Variants in OR9Q1 observed in about 807,000 individuals in gnomAD.
OR9Q1 encodes the protein olfactory receptor 9Q1.
For synonymous variants in OR9Q1, 153 were observed against 148.6 expected (o/e 1.03, Z -0.22); for missense variants, 374 against 378.8 (o/e 0.99, Z 0.11).
intron 2 of OR9Q1, among the ~76,000 whole-genome samples, chr11:58,057,062 T>C (rs1853335821): frequency 6.8e-6 from 1 of 147,452 alleles, no homozygotes; most frequent in Admixed American, 7.0e-5. Flanking sequence ...TGGTGCCATC[T>C]TGGCTCACTG....
chr11:58,166,332 C>T (rs1439966237), intron 2 of OR9Q1, among the ~76,000 whole-genome samples: 2 of 152,108 alleles, frequency 1.3e-5, no homozygotes, highest in East Asian at 1.9e-4. Context: ...ATCTTCTCGC[C>T]CAGAAGTAAC....
chr11:58,048,025 T>C (rs1384234828), intron 1 of OR9Q1, among the ~76,000 whole-genome samples: 1 of 152,180 alleles, frequency 6.6e-6, no homozygotes, highest in Non-Finnish European at 1.5e-5. Flanking sequence ...TGTTAATCTA[T>C]AGGGGCCAGG....
At chr11:58,121,286 C>T (rs968582765) in intron 2 of OR9Q1, among the ~76,000 whole-genome samples, 5 of 152,168 alleles carry the variant, frequency 3.3e-5, no homozygotes, top group Admixed American at 2.0e-4. Context: ...TGAGTCACCT[C>T]GTAATACTGC....
intron 2 of OR9Q1, among the ~76,000 whole-genome samples, chr11:58,063,706 T>TG (rs1853401616): frequency 6.7e-6 from 1 of 148,508 alleles, no homozygotes; most frequent in Admixed American, 6.9e-5. Flanking sequence ...TATTTAATTT[T>TG]TGGGGGGGTG....
chr11:58,171,221 G>T (rs142512356), intron 2 of OR9Q1: 1 of 152,188 alleles, frequency 6.6e-6, no homozygotes, highest in African/African-American at 2.4e-5. Flanking sequence ...GCAGAAGCTG[G>T]TGACTGCATA....
At chr11:58,099,602 T>C (rs1853764839) in intron 2 of OR9Q1, among the ~76,000 whole-genome samples, 1 of 152,302 alleles carries the variant, frequency 6.6e-6, no homozygotes, top group Admixed American at 6.5e-5. Flanking sequence ...TTGTGTCCTT[T>C]TCCTTGAACT....
At position 58,053,812 on chromosome 11, in the gene OR9Q1, T is replaced by A. The variant is rs1037178135; in HGVS notation, c.-92-2058T>A. ...GTCAACATTCTTTTTCGGAACAGCT[T>A]AAAAAGCAGAAAAGGGAGTTTGCAC... is the stretch of plus-strand genomic sequence containing the variant. On this transcript the variant is annotated intron_variant, in intron 1 of 2. Coordinates refer to ENST00000335397, the MANE Select transcript of OR9Q1 (RefSeq NM_001005212.4). Among the ~76,000 whole-genome samples the A allele has an allele frequency of 1.9e-4, 29 of 151,954 alleles. 1 individual carries two copies. Among genetic ancestry groups the A allele is most frequent in the African/African-American group, 7.0e-4 (29 of 41,452 alleles).
At chr11:58,072,208 CAA>C (rs1341386593) in intron 2 of OR9Q1, among the ~76,000 whole-genome samples, 1 of 152,016 alleles carries the variant, frequency 6.6e-6, no homozygotes, top group African/African-American at 2.4e-5. Flanking sequence ...ATCTATAAAA[CAA>C]AGACAACTTT....
intron 2 of OR9Q1, among the ~76,000 whole-genome samples, chr11:58,133,463 G>A (rs1263559545): frequency 1.3e-5 from 2 of 152,198 alleles, no homozygotes; most frequent in East Asian, 1.9e-4. Context: ...TGGGGTCAAA[G>A]CTACATGTGA....
chr11:58,152,571 G>A (rs566225735), intron 2 of OR9Q1, among the ~76,000 whole-genome samples: 2 of 152,110 alleles, frequency 1.3e-5, no homozygotes, highest in South Asian at 2.1e-4. Flanking sequence ...TATGTGCTTT[G>A]TTGATTGATT....
intron 2 of OR9Q1, among the ~76,000 whole-genome samples, chr11:58,119,691 G>GT (rs944591381): frequency 4.6e-5 from 7 of 152,254 alleles, no homozygotes; most frequent in African/African-American, 1.4e-4. Flanking sequence ...GGAAATTTCT[G>GT]TAAAGATAAG....
At chr11:58,123,537 T>C (rs117888224) in intron 2 of OR9Q1, among the ~76,000 whole-genome samples, 1 of 152,186 alleles carries the variant, frequency 6.6e-6, no homozygotes, top group Non-Finnish European at 1.5e-5. Flanking sequence ...GTTTCATACA[T>C]TAGCTCTAGT....
intron 2 of OR9Q1, among the ~76,000 whole-genome samples, chr11:58,060,338 T>C (rs561796946): frequency 6.6e-6 from 1 of 152,272 alleles, no homozygotes; most frequent in Admixed American, 6.5e-5. Context: ...TCAAACTGGA[T>C]AAAAATCAAG....
intron 2 of OR9Q1, among the ~76,000 whole-genome samples, chr11:58,056,889 T>TA (rs1246045949): frequency 1.3e-5 from 2 of 151,866 alleles, no homozygotes; most frequent in Admixed American, 1.3e-4. Flanking sequence ...TGGGGGCACC[T>TA]AAGGCTCCCT....
At chr11:58,109,296 G>A (rs901697220) in intron 2 of OR9Q1, 1 of 455,564 alleles carries the variant, frequency 2.2e-6, no homozygotes, top group Non-Finnish European at 4.4e-6. Context: ...TGGCAACAAA[G>A]CGGTCATAGG....
chr11:58,118,763 C>G (rs748618102), intron 2 of OR9Q1: 1 of 1,614,088 alleles, frequency 6.2e-7, no homozygotes, highest in South Asian at 1.1e-5. Flanking sequence ...GAAGACTTCA[C>G]TTTCAAAATG....
intron 2 of OR9Q1, among the ~76,000 whole-genome samples, chr11:58,150,364 T>A (rs1334755022): frequency 1.3e-5 from 2 of 152,162 alleles, no homozygotes; most frequent in African/African-American, 4.8e-5. Context: ...GGAGAACCAC[T>A]GGTATCAAGC....
At chr11:58,167,786 A>G (rs1228911088) in intron 2 of OR9Q1, among the ~76,000 whole-genome samples, 1 of 152,222 alleles carries the variant, frequency 6.6e-6, no homozygotes, top group Non-Finnish European at 1.5e-5. Context: ...AGCTGTTCCC[A>G]TGGCAATGGC....
intron 2 of OR9Q1, among the ~76,000 whole-genome samples, chr11:58,134,021 T>A (rs928251213): frequency 1.3e-5 from 2 of 152,170 alleles, no homozygotes; most frequent in African/African-American, 4.8e-5. Context: ...TCAAGCTACT[T>A]TCTGTGAGTG....
Sources: allele counts gnomAD v4.1 joint callset (sites outside exome capture counted in the v4.1 genomes callset), GRCh38; gene constraint gnomAD v4.1.1; transcripts MANE v1.5; gene names NCBI Gene and HGNC (gene_info 2026-07-23, HGNC 2026-07-21).